The following LSAMP variants were observed in gnomAD, a reference collection of about 807,000 sequenced individuals.
The protein encoded by LSAMP is limbic system-associated membrane protein.
Under a neutral mutation model 38.6 loss-of-function variants are expected in LSAMP, and 7 were observed. The ratio of observed to expected loss-of-function variants is 0.18; its 90% CI spans 0.10 to 0.34. The LOEUF (loss-of-function observed/expected upper bound fraction) is 0.34, where lower values mean the gene tolerates loss of function less well. LSAMP is among the 10% of genes least tolerant of loss of function. The pLI is 1.00. For synonymous variants in LSAMP, 154 were observed against 166.8 expected (o/e 0.92, Z 0.59); for missense variants, 313 against 420.0 (o/e 0.75, Z 2.23).
At chr3:115,925,095 C>T (rs1159918398) in intron 3 of LSAMP, among the ~76,000 whole-genome samples, 1 of 152,142 alleles carries the variant, frequency 6.6e-6, no homozygotes, top group Non-Finnish European at 1.5e-5. Context: ...TCCAAGTCCA[C>T]TCTTTGAGGG....
At chr3:116,397,809 C>T (rs1312871600) in intron 1 of LSAMP, among the ~76,000 whole-genome samples, 1 of 152,084 alleles carries the variant, frequency 6.6e-6, no homozygotes, top group Non-Finnish European at 1.5e-5. Flanking sequence ...GTATGTGTCC[C>T]ACGTGGCCAG....
At chr3:116,434,336 CA>C (rs2049318863) in intron 1 of LSAMP, among the ~76,000 whole-genome samples, 1 of 152,154 alleles carries the variant, frequency 6.6e-6, no homozygotes, top group African/African-American at 2.4e-5. Flanking sequence ...AAAGGTAAAG[CA>C]AATGAAATGC....
At chr3:115,883,939 A>C (rs1936386844) in intron 3 of LSAMP, among the ~76,000 whole-genome samples, 1 of 152,136 alleles carries the variant, frequency 6.6e-6, no homozygotes, top group Non-Finnish European at 1.5e-5. Context: ...AAGAAACTCA[A>C]CTAATTTCTT....
intron 1 of LSAMP, among the ~76,000 whole-genome samples, chr3:116,187,842 T>C (rs556570583): frequency 1.3e-5 from 2 of 152,238 alleles, no homozygotes; most frequent in African/African-American, 2.4e-5. Context: ...GTTTGTTACA[T>C]AGGCAAACTT....
At chr3:116,172,244 G>A (rs1710219622) in intron 1 of LSAMP, among the ~76,000 whole-genome samples, 1 of 151,838 alleles carries the variant, frequency 6.6e-6, no homozygotes, top group Admixed American at 6.6e-5. Context: ...TTTATATGTA[G>A]TTTATATGTT....
At chr3:116,088,213 C>A (rs909388666) in intron 1 of LSAMP, among the ~76,000 whole-genome samples, 2 of 152,064 alleles carry the variant, frequency 1.3e-5, no homozygotes, top group African/African-American at 4.8e-5. Context: ...AGTTGGGTGC[C>A]AAGATACACA....
chr3:116,077,336 C>T (rs994371079), intron 2 of LSAMP, among the ~76,000 whole-genome samples: 3 of 151,836 alleles, frequency 2.0e-5, no homozygotes, highest in Non-Finnish European at 4.4e-5. Flanking sequence ...ATCATCTATA[C>T]TTAGCTCACT....
At chr3:115,852,385 G>C in intron 4 of LSAMP, 98 bp downstream of exon 4, 1 of 1,389,092 alleles carries the variant, frequency 7.2e-7, no homozygotes, top group Non-Finnish European at 9.7e-7. Context: ...GCATCTGCTT[G>C]AAATACAATG....
At chr3:116,346,256 T>C (rs2048061432) in intron 1 of LSAMP, among the ~76,000 whole-genome samples, 1 of 152,132 alleles carries the variant, frequency 6.6e-6, no homozygotes, top group Non-Finnish European at 1.5e-5. Context: ...TATGTGAGCA[T>C]ACATGCCCAA....
intron 1 of LSAMP, among the ~76,000 whole-genome samples, chr3:116,089,876 C>T (rs985233509): frequency 6.6e-6 from 1 of 151,918 alleles, no homozygotes; most frequent in African/African-American, 2.4e-5. Flanking sequence ...TCAGTAGTTG[C>T]AAAATAAATC....
chr3:116,144,308 GA>G (rs1335006932), intron 1 of LSAMP, among the ~76,000 whole-genome samples: 6 of 151,888 alleles, frequency 4.0e-5, no homozygotes, highest in East Asian at 1.9e-4. Flanking sequence ...AGACCAATGC[GA>G]GAGGATTGCT....
chr3:116,359,411 C>T (rs186011787), intron 1 of LSAMP, among the ~76,000 whole-genome samples: 45 of 152,224 alleles, frequency 3.0e-4, no homozygotes, highest in African/African-American at 9.4e-4. Context: ...GAATCATATC[C>T]AGACCAACCA....
chr3:116,127,754 C>T (rs13318106), intron 1 of LSAMP, among the ~76,000 whole-genome samples: 21,327 of 119,428 alleles, frequency 0.18, 1,770 homozygotes, highest in Middle Eastern at 0.22. Flanking sequence ...GCAAATAGTA[C>T]AAAAAATGCT....
intron 1 of LSAMP, among the ~76,000 whole-genome samples, chr3:116,252,062 G>T (rs543905388): frequency 1.3e-5 from 2 of 152,276 alleles, no homozygotes; most frequent in East Asian, 3.9e-4. Context: ...GTCAGCTCTC[G>T]TTAGGAGCGT....
intron 3 of LSAMP, among the ~76,000 whole-genome samples, chr3:115,897,419 C>T (rs1415555871): frequency 1.3e-5 from 2 of 151,924 alleles, no homozygotes; most frequent in South Asian, 2.1e-4. Context: ...ATTTACCTCC[C>T]TCTTCTCTCC....
intron 6 of LSAMP, among the ~76,000 whole-genome samples, chr3:115,838,798 T>C (rs1440718748): frequency 1.3e-5 from 2 of 152,120 alleles, no homozygotes; most frequent in East Asian, 3.9e-4. Context: ...AGTGGGGAAG[T>C]GTATGTATGC....
chr3:116,257,062 G>C (rs1248854171), intron 1 of LSAMP, among the ~76,000 whole-genome samples: 2 of 152,202 alleles, frequency 1.3e-5, no homozygotes, highest in Admixed American at 6.5e-5. Flanking sequence ...GACGGTGTGT[G>C]CTCTTCAAAG....
chr3:115,893,034 A>G (rs374413276), intron 3 of LSAMP, among the ~76,000 whole-genome samples: 6 of 152,038 alleles, frequency 3.9e-5, no homozygotes, highest in East Asian at 3.9e-4. Context: ...AATCTCAGCA[A>G]ACTAACACAG....
intron 1 of LSAMP, among the ~76,000 whole-genome samples, chr3:116,401,018 C>T (rs2048834197): frequency 6.6e-6 from 1 of 152,120 alleles, no homozygotes; most frequent in South Asian, 2.1e-4. Context: ...CAAGAGAAGA[C>T]CCACTGATAA....
Sources: gnomAD v4.1 joint callset for allele counts (sites outside exome capture counted in the v4.1 genomes callset) on GRCh38, gnomAD v4.1.1 for gene constraint, MANE v1.5 for transcripts, NCBI Gene and HGNC (gene_info 2026-07-23, HGNC 2026-07-21) for gene names.